Variants in NYNRIN observed in about 807,000 individuals in gnomAD.
The protein encoded by NYNRIN is NYN domain and retroviral integrase containing, also known as protein NYNRIN.
NYNRIN carries 86 observed loss-of-function variants against 146.6 expected under a neutral mutation model. That is an observed-to-expected ratio of 0.59 (90% confidence interval 0.49 to 0.70). The LOEUF (loss-of-function observed/expected upper bound fraction) is 0.70. Among genes scored for constraint, NYNRIN ranks in the 30% least tolerant of loss-of-function variants. The probability of loss-of-function intolerance (pLI) is 0.00; values close to 1 mark genes in which losing one functional copy is unlikely to be tolerated. For synonymous variants in NYNRIN, 1,027 were observed against 1,001.3 expected, an observed-to-expected ratio of 1.03 and a Z score of -0.48; for missense variants, 2,191 against 2,377.7, an observed-to-expected ratio of 0.92 and a Z score of 1.63.
Position 24,408,117 on chromosome 14 carries a change from G to A in NYNRIN, c.447G>A (p.Leu149=), listed in dbSNP as rs936623475. The change falls in exon 3 of 9, where the codon CTG becomes CTA. Residue 149 remains leucine, a synonymous_variant. Transcript: ENST00000382554. ...GRLRWGPAPL[L]TPRGIWEAEV... ...TGCGCTGGGGCCCTGCCCCTCTGCTGACCCCCCGGGGGATCTGGGAGGCTG... is the reference window on the plus strand; with the variant it reads ...TGCGCTGGGGCCCTGCCCCTCTGCTAACCCCCCGGGGGATCTGGGAGGCTG... The A allele has an allele frequency of 6.2e-7, 1 of 1,611,008 alleles. No homozygotes were observed.
chr14:24,414,945 G>A lies in NYNRIN; in HGVS notation c.3196G>A (p.Gly1066Ser). 6.3e-7 allele frequency: 1 copy of A among 1,596,924 alleles called. No individual in the cohort carries two copies. The highest frequency in any genetic ancestry group is 8.6e-7 in the Non-Finnish European group (1 of 1,167,746). Residue 1066 changes from glycine to serine, a missense_variant, in exon 9 of 9, where the codon GGC (glycine) becomes AGC (serine). Coordinates refer to ENST00000382554, the MANE Select transcript of NYNRIN (RefSeq NM_025081.3). Reference sequence around the variant, plus strand: ...GCCAGGGGCAGCTTCTCCCTACCTGGGCATCCCCTGGGATGGAAAGGCTCC... The same window carrying A: ...GCCAGGGGCAGCTTCTCCCTACCTGAGCATCCCCTGGGATGGAAAGGCTCC... ...LLPGAASPYL[G>S]IPWDGKAPCQ...
At chr14:24,401,255 G>C (rs1350268461) in intron 2 of NYNRIN, among the ~76,000 whole-genome samples, 1 of 152,208 alleles carries the variant, frequency 6.6e-6, no homozygotes, top group African/African-American at 2.4e-5. Flanking sequence ...GGAATCAGTG[G>C]CTCCCTTGAT....
intron 8 of NYNRIN, 92 bp downstream of exon 8, chr14:24,413,509 T>C (rs2042925803): frequency 1.5e-5 from 11 of 753,800 alleles, no homozygotes; most frequent in Middle Eastern, 2.4e-4. Flanking sequence ...TGCGTAATAA[T>C]GATCAGAGTG....
At chr14:24,407,806 G>A in intron 2 of NYNRIN, 63 bp from the exon 3 acceptor site, 1 of 1,482,130 alleles carries the variant, frequency 6.7e-7, no homozygotes, top group African/African-American at 1.4e-5. Context: ...TGGGTGGCGA[G>A]GGCAGATCCA....
chr14:24,406,378 G>A (rs1223406433), intron 2 of NYNRIN, among the ~76,000 whole-genome samples: 3 of 152,060 alleles, frequency 2.0e-5, no homozygotes, highest in African/African-American at 4.8e-5. Context: ...TGAAATGGGG[G>A]TGCCTGGGGT....
At chr14:24,405,015 TGTGTGTGTGTGTGA>T (rs199681362) in intron 2 of NYNRIN, among the ~76,000 whole-genome samples, 6,099 of 38,086 alleles carry the variant, frequency 0.16, 694 homozygotes, top group East Asian at 0.58. Context: ...TGTGTGTGTG[TGTGTGTGTGTGTGA>T]GAGAATGTGT....
At position 24,408,081 on chromosome 14, in the gene NYNRIN, G is replaced by T. The variant is rs2042886620; in HGVS notation, c.411G>T (p.Leu137=). 6.2e-7 allele frequency: 1 copy of T among 1,613,590 alleles called. No individual in the cohort carries two copies. The highest frequency in any genetic ancestry group is 8.5e-7 in the Non-Finnish European group (1 of 1,179,852). The change falls in exon 3 of 9, where the codon CTG becomes CTT. Residue 137 remains leucine, a synonymous_variant. Coordinates refer to ENST00000382554, the MANE Select transcript of NYNRIN (RefSeq NM_025081.3). The part of the protein sequence containing the change: ...FIMTQNWLEE[L]VGRLRWGPAP... The stretch of plus-strand genomic sequence containing the variant: ...TGACACAGAACTGGCTGGAGGAGCT[G>T]GTGGGGCGACTGCGCTGGGGCCCTG...
Position 24,418,155 on chromosome 14 carries a change from C to A in NYNRIN, c.*709C>A. 2.4e-6 allele frequency: 1 copy of A among 418,222 alleles called. No homozygotes were observed. The highest frequency in any genetic ancestry group is 4.8e-6 in the Non-Finnish European group (1 of 209,216). 25.9% of individuals were successfully genotyped at this position (418,222 alleles called of 1,614,324 possible). On this transcript the variant is annotated 3_prime_UTR_variant, in exon 9 of 9. Coordinates refer to ENST00000382554, the MANE Select transcript of NYNRIN (RefSeq NM_025081.3). ...GGCAAGGGGGAAATGGGTTGGCCTA[C>A]CTCATTTGACTCCAGCCAATGGAGA...
chr14:24,409,141 G>A lies in NYNRIN; in HGVS notation c.1347G>A (p.Arg449=). 7 of 1,613,964 alleles carry A rather than the reference G, an allele frequency of 4.3e-6. No homozygotes were observed. Among genetic ancestry groups the A allele is most frequent in the Non-Finnish European group, 4.2e-6 (5 of 1,179,890 alleles). ...AAGCAGCCCTGCAGAATTGCCCAAGGCCAGAGATTTCCCCAAAAGTTACGA... is the reference window on the plus strand; with the variant it reads ...AAGCAGCCCTGCAGAATTGCCCAAGACCAGAGATTTCCCCAAAAGTTACGA... ...GGEAALQNCP[R]PEISPKVTSL... Residue 449 remains arginine, a synonymous_variant, in exon 4 of 9, where the codon AGG becomes AGA. Coordinates refer to ENST00000382554, the MANE Select transcript of NYNRIN (RefSeq NM_025081.3).
chr14:24,417,464 G>A lies in NYNRIN; in HGVS notation c.*18G>A, dbSNP rs554440764. ...AGCAGTGAGCGGGAGCAGCGGGGGT[G>A]CCCCCTGCCCCAGGGCCGTGGGTTT... On this transcript the variant is annotated 3_prime_UTR_variant, in exon 9 of 9. Transcript: ENST00000382554. 28 of 1,451,132 alleles carry A rather than the reference G, an allele frequency of 1.9e-5. 1 individual carries two copies. The South Asian group carries it at 3.8e-4, about 20-fold the overall frequency. 89.9% of individuals were successfully genotyped at this position (1,451,132 alleles called of 1,614,324 possible).
chr14:24,399,116 C>A, intron 1 of NYNRIN, 30 bp downstream of exon 1: 1 of 831,858 alleles, frequency 1.2e-6, no homozygotes, highest in Non-Finnish European at 1.8e-6. Flanking sequence ...GGAAGGAGGC[C>A]GTGCGGGGGG....
Position 24,399,346 on chromosome 14 carries a change from ATC to A in NYNRIN, c.102_103del (p.Phe35Ter). 6.2e-7 allele frequency: 1 copy of A among 1,613,846 alleles called. No individual in the cohort carries two copies. The highest frequency in any genetic ancestry group is 8.5e-7 in the Non-Finnish European group (1 of 1,179,840). The stretch of plus-strand genomic sequence containing the variant: ...GCGGCAGCGGCTGCAAGTGCAGCGC[ATC>A]TTTAGGGTCAAGCTGAACGCCTTCC... ...VQRQRLQVQRIFRVKLNAFQS... is the reference protein window; with the variant it reads ...VQRQRLQVQRXFRVKLNAFQS... On this transcript the variant is annotated frameshift_variant, in exon 2 of 9. Transcript: ENST00000382554. LOFTEE classifies it high-confidence loss of function.
intron 2 of NYNRIN, 21 bp downstream of exon 2, chr14:24,399,465 C>G (rs745975230): frequency 1.8e-5 from 28 of 1,583,254 alleles, no homozygotes; most frequent in Non-Finnish European, 2.4e-5. Flanking sequence ...TCTCCCCACC[C>G]CCACCCATCT....
chr14:24,402,650 A>G (rs2042851844), intron 2 of NYNRIN, among the ~76,000 whole-genome samples: 1 of 152,146 alleles, frequency 6.6e-6, no homozygotes, highest in Non-Finnish European at 1.5e-5. Flanking sequence ...AAGTGAGTGG[A>G]GGAGTATTTA....
chr14:24,400,545 C>T (rs34077103), intron 2 of NYNRIN, among the ~76,000 whole-genome samples: 32,297 of 152,104 alleles, frequency 0.21, 3,566 homozygotes, highest in Middle Eastern at 0.3. Context: ...AAGTTCCTCC[C>T]TCAACCCCTC....
At chr14:24,404,534 C>T (rs1053497857) in intron 2 of NYNRIN, among the ~76,000 whole-genome samples, 2 of 152,080 alleles carry the variant, frequency 1.3e-5, no homozygotes, top group Non-Finnish European at 2.9e-5. Flanking sequence ...ATGGTTTGTC[C>T]TCTGTGTTTC....
In NYNRIN at chr14:24,411,964, G is replaced by A. The variant is rs960154769; in HGVS notation, c.2642+514G>A. Among the ~76,000 whole-genome samples the A allele has an allele frequency of 1.3e-5, 2 of 152,170 alleles. No homozygotes were observed. The highest frequency in any genetic ancestry group is 4.8e-5 in the African/African-American group (2 of 41,446). On this transcript the variant is annotated intron_variant, in intron 6 of 8. Transcript: ENST00000382554. The surrounding 1 kb of genome is among the most constrained non-coding windows in gnomAD (Gnocchi z 4.3). ...TAAGCGCCCACCCCTCAGCATGGCT[G>A]CAGGACCTCTGTGCTCAGGGGAAGC...
intron 2 of NYNRIN, among the ~76,000 whole-genome samples, chr14:24,405,181 G>C (rs201297766): frequency 2.0e-5 from 3 of 151,790 alleles, no homozygotes; most frequent in Non-Finnish European, 4.4e-5. Context: ...AGAGTTTCTT[G>C]TTGTTGTTTT....
At position 24,415,080 on chromosome 14, in the gene NYNRIN, T is replaced by C. The variant is rs1025809274; in HGVS notation, c.3331T>C (p.Tyr1111His). Residue 1111 changes from tyrosine to histidine, a missense_variant, in exon 9 of 9, where the codon TAT (tyrosine) becomes CAT (histidine). Around this residue, in one of 3 missense-constraint regions of NYNRIN, gnomAD observed 1,291 missense variants for 1,417.0 expected, o/e 0.91. Transcript: ENST00000382554. Reference protein sequence around the residue: ...MDSHRDAIPDYEALVGPLHSL... With the variant: ...MDSHRDAIPDHEALVGPLHSL... ...CTCCCACAGGGATGCCATCCCTGAC[T>C]ATGAAGCCCTAGTGGGCCCCCTGCA... The C allele has an allele frequency of 3.7e-6, 6 of 1,611,674 alleles. No individual in the cohort carries two copies. Among genetic ancestry groups the C allele is most frequent in the African/African-American group, 1.3e-5 (1 of 74,880 alleles).
Sources: allele counts gnomAD v4.1 joint callset (sites outside exome capture counted in the v4.1 genomes callset), GRCh38; gene constraint gnomAD v4.1.1; regional missense constraint gnomAD v4.1.1; non-coding constraint Gnocchi (gnomAD v3.1); transcripts MANE v1.5; gene names NCBI Gene and HGNC (gene_info 2026-07-23, HGNC 2026-07-21).